Variants in ACSL6 observed in about 807,000 individuals in gnomAD.
ACSL6 encodes the protein long-chain-fatty-acid--CoA ligase 6.
A neutral mutation model predicts 98.2 loss-of-function variants in ACSL6; 47 were observed. That is an observed-to-expected ratio of 0.48 (90% CI 0.38 to 0.61). The LOEUF (loss-of-function observed/expected upper bound fraction) is 0.61, where lower values mean the gene tolerates loss of function less well. Among genes scored for constraint, ACSL6 ranks in the 20% least tolerant of loss-of-function variants. The pLI, the probability that ACSL6 is intolerant of heterozygous loss-of-function variation, is 0.00. For synonymous variants in ACSL6, 362 were observed against 336.9 expected (o/e 1.07, Z -0.82); for missense variants, 761 against 913.4 (o/e 0.83, Z 2.15).
At chr5:131,959,975 G>A (rs1265760099) in intron 19 of ACSL6, among the ~76,000 whole-genome samples, 1 of 152,158 alleles carries the variant, frequency 6.6e-6, no homozygotes, top group Non-Finnish European at 1.5e-5. Context: ...GACTCAAGGG[G>A]CTACACTGAG....
At chr5:131,990,412 C>CCCCATCATAA (rs1754441922) in intron 3 of ACSL6, among the ~76,000 whole-genome samples, 1 of 152,200 alleles carries the variant, frequency 6.6e-6, no homozygotes, top group Non-Finnish European at 1.5e-5. Context: ...AGTGCCTAGT[C>CCCCATCATAA]CCCATCATAA....
chr5:131,973,149 G>T, intron 12 of ACSL6, 117 bp downstream of exon 12: 1 of 1,334,508 alleles, frequency 7.5e-7, no homozygotes, highest in Non-Finnish European at 1.0e-6. Flanking sequence ...AAGAGAGGAG[G>T]CAAGTTCCAG....
chr5:131,968,540 T>C (rs1200707870), intron 15 of ACSL6, among the ~76,000 whole-genome samples: 1 of 152,196 alleles, frequency 6.6e-6, no homozygotes, highest in Non-Finnish European at 1.5e-5. Context: ...AGATTCGACA[T>C]TTCTTACAGG....
Position 131,960,640 on chromosome 5 carries a change from G to T in ACSL6, c.1858-19C>A, listed in dbSNP as rs1580626100. The T allele has an allele frequency of 6.3e-7, 1 of 1,595,300 alleles. No homozygotes were observed. On this transcript the variant is annotated intron_variant, in intron 18 of 20. Transcript: ENST00000651883. ...AAAAGGCCTGCAGTGCTCACCAAAG[G>T]AGAACACAGTCATGACAAATGCATT...
chr5:131,972,588 A>G, intron 13 of ACSL6, 136 bp downstream of exon 13: 2 of 1,101,890 alleles, frequency 1.8e-6, no homozygotes, highest in Non-Finnish European at 1.3e-6. Flanking sequence ...TCATAGCTTA[A>G]GCTTTGATTT....
intron 1 of ACSL6, among the ~76,000 whole-genome samples, chr5:131,996,324 T>C (rs1051894082): frequency 1.3e-5 from 2 of 152,360 alleles, no homozygotes; most frequent in Admixed American, 1.3e-4. Flanking sequence ...GAGAAGACTC[T>C]GGGTAGGTGA....
At chr5:131,956,128 G>A (rs1462589530) in intron 20 of ACSL6, among the ~76,000 whole-genome samples, 1 of 152,180 alleles carries the variant, frequency 6.6e-6, no homozygotes, top group Non-Finnish European at 1.5e-5. Context: ...TCTATGTTCA[G>A]TATGGGAACT....
intron 2 of ACSL6, among the ~76,000 whole-genome samples, chr5:131,992,240 G>A (rs904860686): frequency 1.3e-5 from 2 of 152,194 alleles, no homozygotes; most frequent in Non-Finnish European, 2.9e-5. Context: ...GGTTGGGGAG[G>A]AGGCCAGAGA....
At chr5:131,995,507 C>A (rs1754752959) in intron 1 of ACSL6, among the ~76,000 whole-genome samples, 1 of 152,140 alleles carries the variant, frequency 6.6e-6, no homozygotes, top group Non-Finnish European at 1.5e-5. Context: ...CCCGAGGCAC[C>A]CTCCTCACAG....
At position 132,011,196 on chromosome 5, in the gene ACSL6, G is replaced by A. The variant is rs1457272536; in HGVS notation, c.49+309C>T. 6.6e-6 allele frequency among the ~76,000 whole-genome samples: 1 copy of A among 152,182 alleles called. No homozygotes were observed. The highest frequency in any genetic ancestry group is 1.5e-5 in the Non-Finnish European group (1 of 68,032). On this transcript the variant is annotated intron_variant, in intron 1 of 20. Coordinates refer to ENST00000651883, the MANE Select transcript of ACSL6 (RefSeq NM_001009185.3). This position sits in a 1 kb window ranked among gnomAD's most constrained non-coding sequence, Gnocchi z 5.4. ...CTGGCCTTGGCTCAGGGCCTAATCTGATCCGCGGATGGTCCTTGCCATCAG... is the reference window on the plus strand; with the variant it reads ...CTGGCCTTGGCTCAGGGCCTAATCTAATCCGCGGATGGTCCTTGCCATCAG...
At chr5:131,969,019 AG>A (rs1205921978) in intron 15 of ACSL6, among the ~76,000 whole-genome samples, 4 of 152,254 alleles carry the variant, frequency 2.6e-5, no homozygotes, top group African/African-American at 9.6e-5. Flanking sequence ...ACATGAGGGT[AG>A]ATACTGGAAG....
intron 3 of ACSL6, 68 bp downstream of exon 3, chr5:131,990,785 C>A (rs1325772448): frequency 2.7e-6 from 4 of 1,457,862 alleles, no homozygotes; most frequent in Non-Finnish European, 3.8e-6. Context: ...TGCTTGCATA[C>A]CCACCCTTGC....
chr5:131,991,230 A>G (rs1033635691), intron 2 of ACSL6, among the ~76,000 whole-genome samples: 21 of 152,324 alleles, frequency 1.4e-4, no homozygotes, highest in Non-Finnish European at 2.4e-4. Context: ...AACTCCACAC[A>G]CACATACAGC....
At chr5:132,010,957 C>T (rs1232221518) in intron 1 of ACSL6, among the ~76,000 whole-genome samples, 2 of 152,094 alleles carry the variant, frequency 1.3e-5, no homozygotes, top group Non-Finnish European at 2.9e-5. Context: ...ACACAGCAGC[C>T]CTGGGCAGAG....
In ACSL6 at chr5:131,970,123, C is replaced by G. The variant is rs192255255; in HGVS notation, c.1507+5G>C. ...AGCCAGTCCTATATCTCTAGCCCAT[C>G]CTACCTGAGGTCCAGTCGCCAGGAG... is the stretch of plus-strand genomic sequence containing the variant. On this transcript the variant is annotated splice_donor_5th_base_variant and intron_variant, in intron 15 of 20. Coordinates refer to ENST00000651883, the MANE Select transcript of ACSL6 (RefSeq NM_001009185.3). 1.9e-6 allele frequency: 3 copies of G among 1,614,146 alleles called. No homozygotes were observed. The highest frequency in any genetic ancestry group is 2.5e-6 in the Non-Finnish European group (3 of 1,179,998).
rs1341263417 is a variant in ACSL6, at chr5:131,954,045, A to G, written c.*189T>C. On this transcript the variant is annotated 3_prime_UTR_variant, in exon 21 of 21. Coordinates refer to ENST00000651883, the MANE Select transcript of ACSL6 (RefSeq NM_001009185.3). ...CAGTCCACCACAATATCATTTTTATAATAAAAATAAAATATACTCATTGAT... is the reference window on the plus strand; with the variant it reads ...CAGTCCACCACAATATCATTTTTATGATAAAAATAAAATATACTCATTGAT... The G allele has an allele frequency of 2.4e-6, 1 of 422,106 alleles. No homozygotes were observed. The highest frequency in any genetic ancestry group is 3.9e-6 in the Non-Finnish European group (1 of 254,042). 26.1% of individuals were successfully genotyped at this position (422,106 alleles called of 1,614,324 possible).
chr5:131,967,451 C>G (rs550868028), intron 16 of ACSL6, among the ~76,000 whole-genome samples: 17 of 152,058 alleles, frequency 1.1e-4, no homozygotes, highest in African/African-American at 4.1e-4. Context: ...ATCACGAAGT[C>G]AGGAGATTAA....
chr5:131,971,510 C>A, intron 14 of ACSL6, 40 bp downstream of exon 14: 1 of 1,533,678 alleles, frequency 6.5e-7, no homozygotes, highest in South Asian at 1.3e-5. Context: ...CCCTAACGAA[C>A]TTCCTGCTGT....
At chr5:131,967,900 T>C in intron 16 of ACSL6, 40 bp downstream of exon 16, 1 of 1,570,650 alleles carries the variant, frequency 6.4e-7, no homozygotes, top group Non-Finnish European at 8.8e-7. Context: ...ACTCACTACA[T>C]GTAGCAGCCA....
Sources: gnomAD v4.1 joint callset for allele counts (sites outside exome capture counted in the v4.1 genomes callset) on GRCh38, gnomAD v4.1.1 for gene constraint, Gnocchi (gnomAD v3.1) non-coding constraint, MANE v1.5 for transcripts, NCBI Gene and HGNC (gene_info 2026-07-23, HGNC 2026-07-21) for gene names.